Variants in APBB2 observed in about 807,000 individuals in gnomAD.
APBB2 encodes the protein Fe65-like 1.
Under a neutral mutation model 82.5 loss-of-function variants are expected in APBB2, and 38 were observed. The observed-to-expected ratio is 0.46, with a 90% CI of 0.36 to 0.60. The LOEUF is 0.60. APBB2 is among the 20% of genes least tolerant of loss of function. The pLI is 0.00. For missense variants in APBB2, 772 were observed against 972.3 expected (o/e 0.79, Z 2.74); for synonymous variants, 341 against 368.2 (o/e 0.93, Z 0.85).
chr4:41,203,495 A>T lies in APBB2; in HGVS notation c.-417+10910T>A, dbSNP rs559968273. On this transcript the variant is annotated intron_variant, in intron 1 of 17. Coordinates refer to ENST00000508593, the MANE Select transcript of APBB2 (RefSeq NM_004307.2). ...CCCCATTCACATATTTTCTGCTCAAATAATTGGAATTTGAATGCAGGAGGT... is the reference window on the plus strand; with the variant it reads ...CCCCATTCACATATTTTCTGCTCAATTAATTGGAATTTGAATGCAGGAGGT... Among the ~76,000 whole-genome samples, 23 of 152,232 alleles carry T rather than the reference A, an allele frequency of 1.5e-4. 1 individual carries two copies. The highest frequency in any genetic ancestry group is 2.9e-4 in the Non-Finnish European group (20 of 68,034).
intron 3 of APBB2, among the ~76,000 whole-genome samples, chr4:41,083,593 C>T (rs1312646185): frequency 7.2e-6 from 1 of 139,740 alleles, no homozygotes; most frequent in African/African-American, 2.6e-5. Context: ...GAGGCTGAGG[C>T]AGGAGAATCG....
At chr4:40,942,842 T>C (rs1243315246) in intron 7 of APBB2, among the ~76,000 whole-genome samples, 2 of 152,188 alleles carry the variant, frequency 1.3e-5, no homozygotes, top group African/African-American at 4.8e-5. Flanking sequence ...AGCACCCACC[T>C]GTGCTGCATT....
chr4:40,870,711 G>GTA (rs1765252979), intron 12 of APBB2, among the ~76,000 whole-genome samples: 1 of 150,460 alleles, frequency 6.6e-6, no homozygotes, highest in Non-Finnish European at 1.5e-5. Context: ...ATACATATAT[G>GTA]TGTGTGTGTG....
intron 2 of APBB2, among the ~76,000 whole-genome samples, chr4:41,136,711 C>T (rs559840030): frequency 1.3e-5 from 2 of 152,238 alleles, no homozygotes; most frequent in East Asian, 1.9e-4. Context: ...CTGTAATCTC[C>T]AGTTAAAGCC....
intron 3 of APBB2, among the ~76,000 whole-genome samples, chr4:41,087,829 T>C (rs1008318576): frequency 4.6e-5 from 7 of 152,192 alleles, no homozygotes; most frequent in African/African-American, 1.7e-4. Flanking sequence ...GTTGAGCTTA[T>C]CATAATCATC....
At chr4:40,836,215 G>C (rs1451338452) in intron 12 of APBB2, among the ~76,000 whole-genome samples, 1 of 152,192 alleles carries the variant, frequency 6.6e-6, no homozygotes, top group Non-Finnish European at 1.5e-5. Context: ...GGTGGCTCAT[G>C]CCTGTAATCC....
chr4:40,835,897 G>A (rs1360152731), intron 12 of APBB2, among the ~76,000 whole-genome samples: 4 of 152,210 alleles, frequency 2.6e-5, no homozygotes, highest in African/African-American at 4.8e-5. Context: ...TGTGAGAGAC[G>A]TGGATGAGGG....
chr4:40,908,214 G>A (rs964213818), intron 10 of APBB2, among the ~76,000 whole-genome samples: 36 of 152,214 alleles, frequency 2.4e-4, no homozygotes, highest in African/African-American at 8.0e-4. Flanking sequence ...AGCGGCCCCA[G>A]GGGAAGCCAA....
At chr4:41,201,040 C>T (rs1014626826) in intron 1 of APBB2, among the ~76,000 whole-genome samples, 5 of 152,218 alleles carry the variant, frequency 3.3e-5, no homozygotes, top group Non-Finnish European at 1.5e-5. Context: ...GTATCTACCT[C>T]TTAGAAGTAC....
intron 1 of APBB2, among the ~76,000 whole-genome samples, chr4:41,209,813 G>A (rs1778889448): frequency 6.6e-6 from 1 of 152,236 alleles, no homozygotes; most frequent in South Asian, 2.1e-4. Flanking sequence ...TATAAGGGAA[G>A]TAGGAATTGG....
intron 6 of APBB2, among the ~76,000 whole-genome samples, chr4:41,000,030 CGT>C (rs749700892): frequency 1.4e-5 from 2 of 138,616 alleles, no homozygotes; most frequent in Non-Finnish European, 1.6e-5. Flanking sequence ...AAAAAACAAA[CGT>C]GTGTGTGTGT....
rs1364643778 is a variant in APBB2, at chr4:40,810,216, A to C, written c.*5876T>G. 5.3e-5 allele frequency: 8 copies of C among 152,182 alleles called. No homozygotes were observed. Among genetic ancestry groups the C allele is most frequent in the African/African-American group, 1.9e-4 (8 of 41,438 alleles). The allele number at this position is 152,182 out of a possible 1,614,324, so 9.4% of individuals were successfully genotyped here. ...TTGAAGTGAGAAAAGAGAATGGTGAATTGTATTATAGCGGTAATACATTAT... is the reference window on the plus strand; with the variant it reads ...TTGAAGTGAGAAAAGAGAATGGTGACTTGTATTATAGCGGTAATACATTAT... On this transcript the variant is annotated 3_prime_UTR_variant, in exon 18 of 18. Coordinates refer to ENST00000508593, the MANE Select transcript of APBB2 (RefSeq NM_004307.2).
intron 1 of APBB2, among the ~76,000 whole-genome samples, chr4:41,156,580 T>G (rs1763503536): frequency 6.6e-6 from 1 of 152,192 alleles, no homozygotes; most frequent in South Asian, 2.1e-4. Context: ...GAAAATAACT[T>G]GTATTTGTAA....
intron 10 of APBB2, among the ~76,000 whole-genome samples, chr4:40,903,488 A>G (rs1328427977): frequency 2.0e-5 from 3 of 152,168 alleles, no homozygotes; most frequent in East Asian, 1.9e-4. Flanking sequence ...TAGATAAAAA[A>G]TGATGCAAGA....
At chr4:40,991,011 A>ATTTTTTTTT (rs796337000) in intron 6 of APBB2, among the ~76,000 whole-genome samples, 2 of 134,794 alleles carry the variant, frequency 1.5e-5, no homozygotes, top group Non-Finnish European at 3.1e-5. Context: ...ACTGAGTTTC[A>ATTTTTTTTT]TTTTTTTTTT....
intron 1 of APBB2, among the ~76,000 whole-genome samples, chr4:41,201,581 C>T (rs115814176): frequency 2.0e-5 from 3 of 152,130 alleles, no homozygotes; most frequent in Non-Finnish European, 4.4e-5. Flanking sequence ...GGGAAAAGCA[C>T]ACGTGGCTCA....
At chr4:41,179,196 TA>T (rs1259961295) in intron 1 of APBB2, among the ~76,000 whole-genome samples, 2 of 152,252 alleles carry the variant, frequency 1.3e-5, no homozygotes, top group Non-Finnish European at 2.9e-5. Context: ...AACTGTGTTC[TA>T]ATGTTCTGAG....
Position 40,811,134 on chromosome 4 carries a change from T to C in APBB2, c.*4958A>G, listed in dbSNP as rs948982546. 2 of 152,274 alleles carry C rather than the reference T, an allele frequency of 1.3e-5. No homozygotes were observed. The highest frequency in any genetic ancestry group is 2.9e-5 in the Non-Finnish European group (2 of 68,046). 9.4% of individuals were successfully genotyped at this position (152,274 alleles called of 1,614,324 possible). On this transcript the variant is annotated 3_prime_UTR_variant, in exon 18 of 18. Transcript: ENST00000508593. The stretch of plus-strand genomic sequence containing the variant: ...ACATGCATTTGGCACTAAATTATTT[T>C]TCTCTTTAGAAGTATATGAAGATTC...
chr4:40,932,469 C>T (rs1356753025), intron 10 of APBB2, among the ~76,000 whole-genome samples: 2 of 152,142 alleles, frequency 1.3e-5, no homozygotes, highest in Non-Finnish European at 2.9e-5. Flanking sequence ...AACCAACTGG[C>T]AATATGGCAG....
Sources: allele counts gnomAD v4.1 joint callset (sites outside exome capture counted in the v4.1 genomes callset), GRCh38; gene constraint gnomAD v4.1.1; transcripts MANE v1.5; gene names NCBI Gene and HGNC (gene_info 2026-07-23, HGNC 2026-07-21).